The following CPEB1 variants were observed in gnomAD, a reference collection of about 807,000 sequenced individuals.
CPEB1 encodes cytoplasmic polyadenylation element-binding protein 1.
In CPEB1, 7 loss-of-function variants were observed where a neutral mutation model predicts 65.8. The observed-to-expected ratio is 0.11, with a 90% CI of 0.06 to 0.20. The LOEUF (loss-of-function observed/expected upper bound fraction) is 0.20, where lower values mean the gene tolerates loss of function less well. CPEB1 is among the 10% of genes least tolerant of loss of function. The probability of loss-of-function intolerance (pLI) is 1.00; values close to 1 mark genes in which losing one functional copy is unlikely to be tolerated. For missense variants in CPEB1, 551 were observed against 712.2 expected, an observed-to-expected ratio of 0.77 and a Z score of 2.58; for synonymous variants, 262 against 260.0, an observed-to-expected ratio of 1.01 and a Z score of -0.08.
At chr15:82,612,224 C>T (rs1241826130) in intron 3 of CPEB1, among the ~76,000 whole-genome samples, 5 of 151,830 alleles carry the variant, frequency 3.3e-5, no homozygotes, top group South Asian at 4.1e-4. Flanking sequence ...GAGCCAGGTG[C>T]GGTGGCTCAT....
At chr15:82,629,441 A>T in intron 1 of CPEB1, 8 of 980,330 alleles carry the variant, frequency 8.2e-6, no homozygotes, top group Non-Finnish European at 9.7e-6. Flanking sequence ...GAATGAAAAA[A>T]GAACTCCTAT....
chr15:82,584,345 T>C (rs895710217), intron 3 of CPEB1, among the ~76,000 whole-genome samples: 2 of 151,018 alleles, frequency 1.3e-5, no homozygotes, highest in East Asian at 2.0e-4. Flanking sequence ...TCTAAATTAT[T>C]GGACCCCCTG....
chr15:82,574,674 G>C (rs2040444242), intron 3 of CPEB1, among the ~76,000 whole-genome samples: 1 of 127,816 alleles, frequency 7.8e-6, no homozygotes. Context: ...AGTGAGCCAA[G>C]ATCGTGCCAC....
chr15:82,645,448 G>A (rs1366486135), intron 1 of CPEB1, among the ~76,000 whole-genome samples: 9 of 152,028 alleles, frequency 5.9e-5, no homozygotes, highest in South Asian at 2.1e-4. Flanking sequence ...TCATGGGGCC[G>A]GGCCGTACTT....
rs144329496 is a variant in CPEB1 at position 82,604,030 on chromosome 15, G to A, written c.271+23163C>T. On this transcript the variant is annotated intron_variant, in intron 3 of 12. Transcript: ENST00000684509. ...TTACATGTATTAGACAAAGACTCTA[G>A]CTATTTTCAATATGTATGAAGAGCT... Among the ~76,000 whole-genome samples, 12 of 152,304 alleles carry A rather than the reference G, an allele frequency of 7.9e-5. No homozygotes were observed. In the East Asian group the frequency reaches 2.3e-3, roughly 29 times the overall value.
chr15:82,644,836 T>TA (rs2047372518), intron 1 of CPEB1, among the ~76,000 whole-genome samples: 1 of 152,218 alleles, frequency 6.6e-6, no homozygotes, highest in African/African-American at 2.4e-5. Flanking sequence ...AAATGCTTAT[T>TA]AAGGCAGCTA....
chr15:82,576,638 T>C (rs926963916), intron 3 of CPEB1, among the ~76,000 whole-genome samples: 2 of 152,208 alleles, frequency 1.3e-5, no homozygotes, highest in African/African-American at 4.8e-5. Context: ...TATGTATGCT[T>C]GAAAATGTTA....
At chr15:82,610,231 G>C (rs75778808) in intron 3 of CPEB1, among the ~76,000 whole-genome samples, 3 of 152,176 alleles carry the variant, frequency 2.0e-5, no homozygotes, top group South Asian at 2.1e-4. Context: ...AAACTTCCCA[G>C]AGAATAGTCC....
intron 3 of CPEB1, among the ~76,000 whole-genome samples, chr15:82,620,613 C>A (rs1198381013): frequency 2.0e-5 from 3 of 151,928 alleles, no homozygotes; most frequent in African/African-American, 4.8e-5. Flanking sequence ...GCCTGGTCAA[C>A]ACAGCAAGAT....
At chr15:82,546,316 G>A in intron 12 of CPEB1, 125 bp downstream of exon 12, 1 of 722,022 alleles carries the variant, frequency 1.4e-6, no homozygotes, top group Non-Finnish European at 2.4e-6. Context: ...CACCATGTTG[G>A]CCAGGCTGGT....
intron 3 of CPEB1, among the ~76,000 whole-genome samples, chr15:82,611,998 CAGG>C (rs1351658208): frequency 6.6e-6 from 1 of 151,512 alleles, no homozygotes; most frequent in Non-Finnish European, 1.5e-5. Context: ...ATCATGAGGT[CAGG>C]AGATCGAGAC....
intron 4 of CPEB1, among the ~76,000 whole-genome samples, chr15:82,561,443 A>G (rs1461889929): frequency 6.6e-6 from 1 of 152,234 alleles, no homozygotes; most frequent in Non-Finnish European, 1.5e-5. Flanking sequence ...GAGAGCTCTG[A>G]GAGTTGTCAA....
intron 4 of CPEB1, among the ~76,000 whole-genome samples, chr15:82,569,923 A>G (rs984551422): frequency 6.6e-6 from 1 of 152,166 alleles, no homozygotes; most frequent in African/African-American, 2.4e-5. Flanking sequence ...GGCGTCAAGA[A>G]CACACAAAAC....
At chr15:82,646,299 C>G (rs894289527) in intron 1 of CPEB1, among the ~76,000 whole-genome samples, 6 of 152,184 alleles carry the variant, frequency 3.9e-5, no homozygotes. Flanking sequence ...AATAGGAACC[C>G]CACCCACTTG....
chr15:82,598,639 G>C (rs1481138558), intron 3 of CPEB1, among the ~76,000 whole-genome samples: 2 of 152,038 alleles, frequency 1.3e-5, no homozygotes, highest in African/African-American at 4.8e-5. Context: ...ACAAAAATTA[G>C]CTGGGCGTGG....
rs909927056 is a variant in CPEB1, at chr15:82,601,261, C to T, written c.271+25932G>A. Among the ~76,000 whole-genome samples the T allele has an allele frequency of 1.3e-4, 19 of 150,462 alleles. No individual in the cohort carries two copies. The South Asian group carries it at 1.3e-3, about 10-fold the overall frequency. ...TCTTAAAAAAAAAAAGATTTTTACA[C>T]TGGGCACGGTGGCTCACGCCTGTAA... On this transcript the variant is annotated intron_variant, in intron 3 of 12. Transcript: ENST00000684509.
chr15:82,549,041 C>T (rs1399076038), intron 10 of CPEB1, among the ~76,000 whole-genome samples: 2 of 152,252 alleles, frequency 1.3e-5, no homozygotes, highest in African/African-American at 4.8e-5. Context: ...CTCCTCCAGC[C>T]TGACCTGGTC....
chr15:82,560,819 G>C (rs2038067870), intron 4 of CPEB1, among the ~76,000 whole-genome samples: 1 of 152,228 alleles, frequency 6.6e-6, no homozygotes. Context: ...GTCCAGCAAA[G>C]AGGAAAACTA....
At chr15:82,589,966 T>A (rs895918480) in intron 3 of CPEB1, among the ~76,000 whole-genome samples, 2 of 152,206 alleles carry the variant, frequency 1.3e-5, no homozygotes, top group Non-Finnish European at 2.9e-5. Context: ...TGTACCATTT[T>A]ACATCAGGGA....
Sources: gnomAD v4.1 joint callset for allele counts (sites outside exome capture counted in the v4.1 genomes callset) on GRCh38, gnomAD v4.1.1 for gene constraint, MANE v1.5 for transcripts, NCBI Gene and HGNC (gene_info 2026-07-23, HGNC 2026-07-21) for gene names.